The following MAGI1 variants were observed in gnomAD, a reference collection of about 807,000 sequenced individuals.
MAGI1 encodes the protein membrane-associated guanylate kinase, WW and PDZ domain-containing protein 1.
Under a neutral mutation model 139.9 loss-of-function variants are expected in MAGI1, and 58 were observed. That is an observed-to-expected ratio of 0.41 (90% CI 0.34 to 0.52). MAGI1 has a LOEUF of 0.52. Ranked by LOEUF, MAGI1 falls within the 20% of genes least tolerant of loss-of-function variation. MAGI1 has a pLI of 0.12. For missense variants in MAGI1, 1,874 were observed against 1,901.6 expected (o/e 0.99, Z 0.27); for synonymous variants, 812 against 737.9 (o/e 1.10, Z -1.63).
chr3:65,497,814 C>T (rs957027452), intron 2 of MAGI1, among the ~76,000 whole-genome samples: 3 of 152,148 alleles, frequency 2.0e-5, no homozygotes, highest in Admixed American at 2.0e-4. Context: ...TCAGCAGAAA[C>T]ATGAAACTAG....
At chr3:65,680,756 T>C (rs1191951816) in intron 1 of MAGI1, among the ~76,000 whole-genome samples, 2 of 98,850 alleles carry the variant, frequency 2.0e-5, no homozygotes, top group African/African-American at 1.0e-4. Context: ...TCAAATAATA[T>C]AATAATGATA....
chr3:65,756,626 C>G (rs2036586830), intron 1 of MAGI1, among the ~76,000 whole-genome samples: 1 of 152,138 alleles, frequency 6.6e-6, no homozygotes, highest in South Asian at 2.1e-4. Flanking sequence ...GAGATATGTC[C>G]TTTGCCAACT....
intron 2 of MAGI1, among the ~76,000 whole-genome samples, chr3:65,519,691 A>C (rs534403851): frequency 6.6e-6 from 1 of 152,302 alleles, no homozygotes; most frequent in Admixed American, 6.5e-5. Flanking sequence ...GCCCTGACTT[A>C]GATTTTAAAG....
chr3:65,688,348 T>C (rs753529090), intron 1 of MAGI1: 19 of 652,064 alleles, frequency 2.9e-5, no homozygotes, highest in Admixed American at 1.5e-4. Flanking sequence ...GATGGAGTGA[T>C]AGTAACACCT....
chr3:65,981,193 T>C (rs1415190553), intron 1 of MAGI1, among the ~76,000 whole-genome samples: 1 of 152,010 alleles, frequency 6.6e-6, no homozygotes, highest in East Asian at 1.9e-4. Flanking sequence ...AAATTTAATT[T>C]CCTAGTCACA....
intron 3 of MAGI1, 21 bp downstream of exon 3, chr3:65,493,491 G>A (rs751315538): frequency 6.2e-7 from 1 of 1,613,972 alleles, no homozygotes; most frequent in Non-Finnish European, 8.5e-7. Flanking sequence ...AGCTTTTTAT[G>A]CTGTCGTACA....
chr3:65,390,978 T>C (rs1409792030), intron 14 of MAGI1, among the ~76,000 whole-genome samples, 164 bp downstream of exon 14: 1 of 152,196 alleles, frequency 6.6e-6, no homozygotes, highest in African/African-American at 2.4e-5. Context: ...GGAGACTCCA[T>C]GAATAGCCAG....
At chr3:65,713,565 G>C (rs2031796528) in intron 1 of MAGI1, among the ~76,000 whole-genome samples, 1 of 152,130 alleles carries the variant, frequency 6.6e-6, no homozygotes, top group South Asian at 2.1e-4. Context: ...CAATTTTTGA[G>C]AACTGAGCTG....
At chr3:65,557,117 T>G (rs2080122692) in intron 2 of MAGI1, among the ~76,000 whole-genome samples, 1 of 152,218 alleles carries the variant, frequency 6.6e-6, no homozygotes, top group Non-Finnish European at 1.5e-5. Flanking sequence ...GAGCCCCATT[T>G]CCTGGTATTC....
intron 1 of MAGI1, among the ~76,000 whole-genome samples, chr3:65,680,798 A>ATAT (rs528938659): frequency 3.6e-3 from 291 of 80,786 alleles, no homozygotes; most frequent in African/African-American, 0.022. Context: ...GATATGATAT[A>ATAT]CTTTAATAAT....
At chr3:65,582,020 T>G (rs942336288) in intron 2 of MAGI1, among the ~76,000 whole-genome samples, 43 of 152,290 alleles carry the variant, frequency 2.8e-4, no homozygotes, top group Non-Finnish European at 4.4e-5. Flanking sequence ...GCCCCTGTGG[T>G]AGATTCAACA....
chr3:65,543,760 G>C (rs113722510), intron 2 of MAGI1, among the ~76,000 whole-genome samples: 5 of 151,968 alleles, frequency 3.3e-5, no homozygotes, highest in Admixed American at 6.6e-5. Context: ...AGGGATGGGG[G>C]GGGGTACAAG....
At chr3:65,492,566 C>T (rs1417148177) in intron 3 of MAGI1, among the ~76,000 whole-genome samples, 1 of 152,150 alleles carries the variant, frequency 6.6e-6, no homozygotes, top group Non-Finnish European at 1.5e-5. Context: ...TTAAGACATA[C>T]TGTTAAACAA....
intron 6 of MAGI1, among the ~76,000 whole-genome samples, chr3:65,449,700 G>A (rs1198575722): frequency 6.6e-6 from 1 of 152,100 alleles, no homozygotes; most frequent in Admixed American, 6.5e-5. Context: ...CGCTTGAACA[G>A]GGAGGCAAAG....
At chr3:65,551,241 C>T (rs1160068320) in intron 2 of MAGI1, among the ~76,000 whole-genome samples, 2 of 152,170 alleles carry the variant, frequency 1.3e-5, no homozygotes, top group African/African-American at 4.8e-5. Flanking sequence ...TGCCGTGATT[C>T]TAAGTTTCCT....
intron 21 of MAGI1, among the ~76,000 whole-genome samples, chr3:65,362,938 C>T (rs535379014): frequency 1.4e-4 from 21 of 152,226 alleles, no homozygotes; most frequent in Non-Finnish European, 2.8e-4. Flanking sequence ...GTAGCTCTTA[C>T]TACAGAGCAA....
chr3:65,917,780 G>A (rs2061975651), intron 1 of MAGI1, among the ~76,000 whole-genome samples: 1 of 152,114 alleles, frequency 6.6e-6, no homozygotes, highest in Non-Finnish European at 1.5e-5. Context: ...TAGGGGAGTG[G>A]GGAGATAAAT....
At chr3:65,530,836 T>TACACACAC (rs35006124) in intron 2 of MAGI1, among the ~76,000 whole-genome samples, 1 of 90,818 alleles carries the variant, frequency 1.1e-5, no homozygotes, top group African/African-American at 6.1e-5. Context: ...TATATATATA[T>TACACACAC]ATACACACAC....
intron 1 of MAGI1, among the ~76,000 whole-genome samples, chr3:65,979,096 C>CCA (rs1553742307): frequency 5.0e-5 from 3 of 60,462 alleles, no homozygotes; most frequent in South Asian, 1.4e-3. Context: ...CTTCCCCCCC[C>CCA]CCGCCACCCC....
Sources: gnomAD v4.1 joint callset for allele counts (sites outside exome capture counted in the v4.1 genomes callset) on GRCh38, gnomAD v4.1.1 for gene constraint, MANE v1.5 for transcripts, NCBI Gene and HGNC (gene_info 2026-07-23, HGNC 2026-07-21) for gene names.